Variants in NALCN observed in about 807,000 individuals in gnomAD.
NALCN encodes sodium leak channel, non-selective.
A neutral mutation model predicts 225.3 loss-of-function variants in NALCN; 111 were observed. The observed-to-expected ratio is 0.49, with a 90% CI of 0.42 to 0.58. NALCN has a LOEUF of 0.58. Ranked by LOEUF, NALCN falls within the 20% of genes least tolerant of loss-of-function variation. The probability of loss-of-function intolerance (pLI) is 0.00; values close to 1 mark genes in which losing one functional copy is unlikely to be tolerated. For synonymous variants in NALCN, 764 were observed against 769.0 expected (o/e 0.99, Z 0.11); for missense variants, 1,378 against 2,202.4 (o/e 0.63, Z 7.49).
At chr13:101,112,507 C>T (rs1313515774) in intron 18 of NALCN, among the ~76,000 whole-genome samples, 1 of 152,082 alleles carries the variant, frequency 6.6e-6, no homozygotes, top group East Asian at 1.9e-4. Flanking sequence ...GAAAATAACA[C>T]AAGGGATTAA....
intron 6 of NALCN, among the ~76,000 whole-genome samples, chr13:101,372,631 T>C (rs1164479593): frequency 1.3e-5 from 2 of 152,134 alleles, no homozygotes; most frequent in East Asian, 1.9e-4. Flanking sequence ...GATATTTGAA[T>C]TGAATAATAA....
At chr13:101,277,065 T>TAG (rs949880255) in intron 10 of NALCN, among the ~76,000 whole-genome samples, 1 of 151,724 alleles carries the variant, frequency 6.6e-6, no homozygotes, top group African/African-American at 2.4e-5. Context: ...TACACACACA[T>TAG]AGAGAGAGAG....
intron 13 of NALCN, among the ~76,000 whole-genome samples, chr13:101,226,087 G>A (rs1233495440): frequency 2.6e-5 from 4 of 151,936 alleles, no homozygotes; most frequent in Admixed American, 2.6e-4. Flanking sequence ...GGAGATCGTC[G>A]TCTTGGAGAA....
rs10538126 is a variant in NALCN, at chr13:101,114,425, T to TTCTC, written c.2193-3203_2193-3200dup. On this transcript the variant is annotated intron_variant, in intron 18 of 43. Coordinates refer to ENST00000251127, the MANE Select transcript of NALCN (RefSeq NM_052867.4). ...TATAACACTCTACATAGCATATTCA[T>TTCTC]TCTCTCTCTCTCTCTCTCTCTCTCT... Among the ~76,000 whole-genome samples, 220 of 147,532 alleles carry TTCTC rather than the reference T, an allele frequency of 1.5e-3. 2 individuals are homozygous for TTCTC. The highest frequency in any genetic ancestry group is 0.01 in the East Asian group (50 of 4,948).
At chr13:101,273,287 C>T (rs1314977984) in intron 10 of NALCN, among the ~76,000 whole-genome samples, 1 of 152,186 alleles carries the variant, frequency 6.6e-6, no homozygotes, top group Non-Finnish European at 1.5e-5. Flanking sequence ...TTCTATTTAT[C>T]AAGCACTGGA....
At chr13:101,351,395 T>C (rs2139324430) in intron 6 of NALCN, among the ~76,000 whole-genome samples, 1 of 152,302 alleles carries the variant, frequency 6.6e-6, no homozygotes, top group Non-Finnish European at 1.5e-5. Flanking sequence ...TGTTTTTAAT[T>C]CTTAACAAAA....
At chr13:101,117,427 T>C (rs531263865) in intron 18 of NALCN, among the ~76,000 whole-genome samples, 2 of 152,372 alleles carry the variant, frequency 1.3e-5, no homozygotes, top group Non-Finnish European at 1.5e-5. Flanking sequence ...AACTTTTTAC[T>C]ACAATAAAAG....
At chr13:101,105,716 T>C (rs964004484) in intron 22 of NALCN, among the ~76,000 whole-genome samples, 2 of 152,204 alleles carry the variant, frequency 1.3e-5, no homozygotes, top group Non-Finnish European at 2.9e-5. Context: ...TCATGGAAGA[T>C]TTTAATAATT....
At chr13:101,189,268 A>G (rs2139995835) in intron 14 of NALCN, among the ~76,000 whole-genome samples, 1 of 152,322 alleles carries the variant, frequency 6.6e-6, no homozygotes, top group Non-Finnish European at 1.5e-5. Context: ...GGTATAGGGA[A>G]GGAGAGAAAG....
chr13:101,315,825 T>A (rs2044532678), intron 7 of NALCN, among the ~76,000 whole-genome samples: 1 of 152,014 alleles, frequency 6.6e-6, no homozygotes, highest in South Asian at 2.1e-4. Flanking sequence ...AAATGAAACA[T>A]CACTACTGAG....
chr13:101,268,606 A>G (rs533058233), intron 10 of NALCN, among the ~76,000 whole-genome samples: 2 of 152,300 alleles, frequency 1.3e-5, no homozygotes, highest in East Asian at 3.9e-4. Flanking sequence ...TGGCAGTCAC[A>G]TAGCTATGAT....
At chr13:101,189,889 G>A (rs2039612824) in intron 14 of NALCN, among the ~76,000 whole-genome samples, 2 of 152,144 alleles carry the variant, frequency 1.3e-5, no homozygotes, top group South Asian at 4.1e-4. Flanking sequence ...CTTGTGCTCT[G>A]TGGATTCCTA....
chr13:101,148,001 T>C (rs893538857), intron 15 of NALCN, among the ~76,000 whole-genome samples: 5 of 152,150 alleles, frequency 3.3e-5, no homozygotes, highest in African/African-American at 1.2e-4. Flanking sequence ...TGACAAAGTT[T>C]TCCTCTTACA....
At position 101,366,390 on chromosome 13, in the gene NALCN, G is replaced by A. The variant is rs78474700; in HGVS notation, c.644+10310C>T. Among the ~76,000 whole-genome samples, 112 of 152,210 alleles carry A rather than the reference G, an allele frequency of 7.4e-4. 1 individual carries two copies. The highest frequency in any genetic ancestry group is 2.6e-3 in the African/African-American group (110 of 41,540). ...ATATTAAACACAATCAGTTCTGGAG[G>A]TCAACTATGAAACCCAAGATATGCA... On this transcript the variant is annotated intron_variant, in intron 6 of 43. Coordinates refer to ENST00000251127, the MANE Select transcript of NALCN (RefSeq NM_052867.4).
At chr13:101,217,149 A>AG (rs57684320) in intron 13 of NALCN, among the ~76,000 whole-genome samples, 33,088 of 143,260 alleles carry the variant, frequency 0.23, 3,739 homozygotes, top group East Asian at 0.37. Context: ...TAATAAATGG[A>AG]GGAAAAACTG....
chr13:101,299,168 A>G (rs2043859701), intron 7 of NALCN, among the ~76,000 whole-genome samples: 1 of 152,226 alleles, frequency 6.6e-6, no homozygotes, highest in Non-Finnish European at 1.5e-5. Flanking sequence ...TGTTTTAACA[A>G]CTAGGCACTG....
intron 1 of NALCN, among the ~76,000 whole-genome samples, chr13:101,400,576 T>C (rs918288203): frequency 4.4e-4 from 48 of 109,656 alleles, no homozygotes; most frequent in South Asian, 8.6e-4. Context: ...TGTGTGTGTG[T>C]GTGTGCACGT....
At chr13:101,114,320 C>A (rs772495317) in intron 18 of NALCN, among the ~76,000 whole-genome samples, 1 of 152,128 alleles carries the variant, frequency 6.6e-6, no homozygotes, top group East Asian at 1.9e-4. Flanking sequence ...TGTGACAGTG[C>A]TTTGGAAACA....
At chr13:101,384,260 T>C (rs2046925448) in intron 3 of NALCN, among the ~76,000 whole-genome samples, 1 of 152,178 alleles carries the variant, frequency 6.6e-6, no homozygotes, top group African/African-American at 2.4e-5. Flanking sequence ...TTAATTTGTT[T>C]GTTCCATCAA....
Sources: gnomAD v4.1 joint callset for allele counts (sites outside exome capture counted in the v4.1 genomes callset) on GRCh38, gnomAD v4.1.1 for gene constraint, MANE v1.5 for transcripts, NCBI Gene and HGNC (gene_info 2026-07-23, HGNC 2026-07-21) for gene names.